Variants in DLG2 observed in about 807,000 individuals in gnomAD.
The protein encoded by DLG2 is discs large MAGUK scaffold protein 2, also known as disks large homolog 2.
A neutral mutation model predicts 132.5 loss-of-function variants in DLG2; 45 were observed. The observed-to-expected ratio is 0.34, with a 90% CI of 0.27 to 0.44. DLG2 has a LOEUF of 0.44. DLG2 is among the 20% of genes least tolerant of loss of function. DLG2 has a pLI of 1.00. For synonymous variants in DLG2, 424 were observed against 419.6 expected (o/e 1.01, Z -0.13); for missense variants, 1,045 against 1,196.9 (o/e 0.87, Z 1.87).
At chr11:84,090,257 T>C (rs1038738042) in intron 10 of DLG2, among the ~76,000 whole-genome samples, 1 of 151,642 alleles carries the variant, frequency 6.6e-6, no homozygotes, top group Admixed American at 6.6e-5. Flanking sequence ...CTACTAAAAA[T>C]GCAAAAATTA....
intron 6 of DLG2, among the ~76,000 whole-genome samples, chr11:85,035,206 T>C (rs570250630): frequency 6.6e-6 from 1 of 152,298 alleles, no homozygotes; most frequent in East Asian, 1.9e-4. Flanking sequence ...TTCTATCAGG[T>C]TGAACTCTTA....
At chr11:84,038,459 C>T (rs2095939696) in intron 11 of DLG2, among the ~76,000 whole-genome samples, 1 of 151,940 alleles carries the variant, frequency 6.6e-6, no homozygotes, top group South Asian at 2.1e-4. Context: ...CCATCTAACA[C>T]CAGTCGGAAT....
intron 18 of DLG2, chr11:83,647,128 T>G (rs1212129606): frequency 6.6e-6 from 1 of 152,082 alleles, no homozygotes; most frequent in African/African-American, 2.4e-5. Flanking sequence ...GGGGACATGT[T>G]CATTTTGGAG....
chr11:85,331,008 T>G (rs2081695328), intron 3 of DLG2, among the ~76,000 whole-genome samples: 1 of 152,118 alleles, frequency 6.6e-6, no homozygotes, highest in Non-Finnish European at 1.5e-5. Context: ...TACAAACTAT[T>G]TATATGAGGC....
At chr11:84,240,577 G>T (rs2097213602) in intron 8 of DLG2, among the ~76,000 whole-genome samples, 1 of 152,146 alleles carries the variant, frequency 6.6e-6, no homozygotes, top group Admixed American at 6.5e-5. Context: ...CAAGGAGGAA[G>T]GAGACATTAA....
intron 3 of DLG2, among the ~76,000 whole-genome samples, chr11:85,340,190 A>G (rs1277769255): frequency 2.0e-5 from 3 of 152,220 alleles, no homozygotes; most frequent in African/African-American, 4.8e-5. Context: ...ACATGCACAC[A>G]TATGTTTATT....
At chr11:85,462,704 T>G (rs1356117227) in intron 3 of DLG2, among the ~76,000 whole-genome samples, 1 of 151,954 alleles carries the variant, frequency 6.6e-6, no homozygotes, top group Non-Finnish European at 1.5e-5. Context: ...TAATGTTAAA[T>G]GACGAGTTGA....
intron 17 of DLG2, among the ~76,000 whole-genome samples, chr11:83,807,988 C>A (rs981938233): frequency 9.9e-5 from 15 of 152,162 alleles, no homozygotes; most frequent in African/African-American, 3.4e-4. Flanking sequence ...TGACAGTCAT[C>A]AATGTTGCTA....
chr11:85,145,112 T>G (rs1442111009), intron 5 of DLG2, among the ~76,000 whole-genome samples: 1 of 149,670 alleles, frequency 6.7e-6, no homozygotes, highest in Non-Finnish European at 1.5e-5. Context: ...TAAAAGTTGT[T>G]TCATTTTTTT....
chr11:85,161,386 T>C (rs1248253767), intron 4 of DLG2, among the ~76,000 whole-genome samples: 2 of 152,136 alleles, frequency 1.3e-5, no homozygotes, highest in Non-Finnish European at 2.9e-5. Context: ...GAGTGTCCAA[T>C]TTGCCAGCAG....
intron 15 of DLG2, among the ~76,000 whole-genome samples, chr11:83,896,994 T>G (rs975646376): frequency 2.0e-5 from 3 of 152,194 alleles, no homozygotes; most frequent in African/African-American, 4.8e-5. Context: ...AAAGTTTTCA[T>G]CTGATTCCAT....
chr11:83,813,903 T>A (rs1269244233), intron 17 of DLG2, among the ~76,000 whole-genome samples: 1 of 152,180 alleles, frequency 6.6e-6, no homozygotes, highest in Admixed American at 6.6e-5. Context: ...GACACAGTCA[T>A]CATTTTATTG....
intron 19 of DLG2, among the ~76,000 whole-genome samples, chr11:83,624,392 T>TCC (rs2062133046): frequency 6.6e-6 from 1 of 152,352 alleles, no homozygotes; most frequent in Middle Eastern, 3.4e-3. Flanking sequence ...CAATGACTCC[T>TCC]CCTTCTTTCT....
intron 12 of DLG2, among the ~76,000 whole-genome samples, chr11:83,979,712 A>T (rs1484026447): frequency 6.6e-6 from 1 of 152,172 alleles, no homozygotes; most frequent in African/African-American, 2.4e-5. Flanking sequence ...TTACACATGT[A>T]GCAGAACTCA....
chr11:84,094,136 A>G (rs1403237770), intron 10 of DLG2, among the ~76,000 whole-genome samples: 1 of 152,134 alleles, frequency 6.6e-6, no homozygotes. Context: ...ACTGGAGTCA[A>G]ACTGCTTACA....
intron 6 of DLG2, among the ~76,000 whole-genome samples, chr11:84,885,404 A>G (rs1362565719): frequency 6.6e-6 from 1 of 151,982 alleles, no homozygotes; most frequent in Non-Finnish European, 1.5e-5. Flanking sequence ...GCATATTCAT[A>G]GCTTATTGCG....
chr11:84,834,808 A>AC (rs1467331155), intron 6 of DLG2, among the ~76,000 whole-genome samples: 2 of 151,198 alleles, frequency 1.3e-5, no homozygotes, highest in Admixed American at 1.3e-4. Context: ...AAAAAAAAAA[A>AC]AATCAACAAA....
chr11:84,997,321 C>G (rs1216084188), intron 6 of DLG2: 1 of 152,152 alleles, frequency 6.6e-6, no homozygotes, highest in African/African-American at 2.4e-5. Context: ...TTCAGTTTTG[C>G]TGAATCCTCC....
At chr11:83,963,994 C>T (rs1227169286) in intron 13 of DLG2, among the ~76,000 whole-genome samples, 2 of 151,904 alleles carry the variant, frequency 1.3e-5, no homozygotes, top group Non-Finnish European at 2.9e-5. Context: ...ATATGCATAC[C>T]TCTTATTCTG....
Sources: allele counts gnomAD v4.1 joint callset (sites outside exome capture counted in the v4.1 genomes callset), GRCh38; gene constraint gnomAD v4.1.1; transcripts MANE v1.5; gene names NCBI Gene and HGNC (gene_info 2026-07-23, HGNC 2026-07-21).